The following UMAD1 variants were observed in gnomAD, a reference collection of about 807,000 sequenced individuals.
The protein encoded by UMAD1 is UBAP1-MVB12-associated (UMA) domain containing 1, also known as UBAP1-MVB12-associated (UMA)-domain containing protein 1.
UMAD1 carries 8 observed loss-of-function variants against 6.1 expected under a neutral mutation model. That is an observed-to-expected ratio of 1.30 (90% CI 0.76 to 2.35). UMAD1 has a LOEUF of 2.35. Among genes scored for constraint, UMAD1 ranks in the 30% most tolerant of loss-of-function variants. The pLI is 0.00. For synonymous variants in UMAD1, 56 were observed against 31.4 expected (o/e 1.78, Z -2.61); for missense variants, 130 against 78.4 (o/e 1.66, Z -2.49).
chr7:7,844,873 T>C (rs1362053967), intron 3 of UMAD1, among the ~76,000 whole-genome samples: 1 of 152,210 alleles, frequency 6.6e-6, no homozygotes, highest in Non-Finnish European at 1.5e-5. Flanking sequence ...AAAAGATTTT[T>C]AGTTTGCATT....
chr7:7,682,398 A>G (rs760030099), intron 2 of UMAD1, among the ~76,000 whole-genome samples: 4 of 152,206 alleles, frequency 2.6e-5, no homozygotes, highest in Non-Finnish European at 4.4e-5. Flanking sequence ...CATTCTGGGA[A>G]CCAAACCACA....
At chr7:7,818,457 A>G (rs965177744) in intron 3 of UMAD1, among the ~76,000 whole-genome samples, 1 of 152,238 alleles carries the variant, frequency 6.6e-6, no homozygotes, top group Non-Finnish European at 1.5e-5. Flanking sequence ...AATCAAAACC[A>G]CAATGAGATA....
chr7:7,763,745 G>C (rs559501825), intron 2 of UMAD1, among the ~76,000 whole-genome samples: 1 of 152,194 alleles, frequency 6.6e-6, no homozygotes, highest in East Asian at 1.9e-4. Context: ...AAAAATAGTA[G>C]AGTGATTTAT....
chr7:7,852,443 G>A (rs73057773), intron 3 of UMAD1, among the ~76,000 whole-genome samples: 7 of 152,034 alleles, frequency 4.6e-5, no homozygotes, highest in Non-Finnish European at 1.0e-4. Flanking sequence ...CCACACCTCA[G>A]ACAACAGTCA....
intron 3 of UMAD1, among the ~76,000 whole-genome samples, chr7:7,848,541 A>G (rs964505456): frequency 6.6e-6 from 1 of 152,172 alleles, no homozygotes; most frequent in Non-Finnish European, 1.5e-5. Context: ...GGTGTTCTCA[A>G]AAATGACAAT....
rs998192959 is a variant in UMAD1, at chr7:7,645,136, G to GT, written c.-64+4323dup. Among the ~76,000 whole-genome samples, 27 of 151,698 alleles carry GT rather than the reference G, an allele frequency of 1.8e-4. No homozygotes were observed. The Middle Eastern group carries it at 0.01, about 57-fold the overall frequency. On this transcript the variant is annotated intron_variant, in intron 1 of 3. Transcript: ENST00000682710. ...ATGCCATTTTAAGAATTTTCTATCA[G>GT]TTTTTTTTGGAATTTTCTATTCATA...
At chr7:7,682,569 C>G (rs1779939104) in intron 2 of UMAD1, among the ~76,000 whole-genome samples, 1 of 152,110 alleles carries the variant, frequency 6.6e-6, no homozygotes, top group Admixed American at 6.5e-5. Context: ...TTGATTCTGT[C>G]TAGGGTTGAA....
At chr7:7,713,043 A>G (rs369512287) in intron 2 of UMAD1, among the ~76,000 whole-genome samples, 1 of 152,118 alleles carries the variant, frequency 6.6e-6, no homozygotes, top group African/African-American at 2.4e-5. Flanking sequence ...TTGCTCATTC[A>G]AAAAATATTC....
chr7:7,782,650 C>G (rs1379472888), intron 2 of UMAD1, among the ~76,000 whole-genome samples: 2 of 151,200 alleles, frequency 1.3e-5, no homozygotes, highest in African/African-American at 4.9e-5. Context: ...GAAAATAATA[C>G]TTTAATCCTA....
chr7:7,643,735 GA>G (rs869238725), intron 1 of UMAD1, among the ~76,000 whole-genome samples: 1 of 5,768 alleles, frequency 1.7e-4, no homozygotes, highest in Non-Finnish European at 3.7e-4. Flanking sequence ...ACAAACAAAC[GA>G]AAAAAAAAGG....
chr7:7,873,400 A>G (rs2115343379), intron 3 of UMAD1, among the ~76,000 whole-genome samples: 1 of 152,298 alleles, frequency 6.6e-6, no homozygotes, highest in South Asian at 2.1e-4. Context: ...TTTAAAGAGA[A>G]TAGAATGGTG....
intron 1 of UMAD1, among the ~76,000 whole-genome samples, chr7:7,659,010 G>A (rs1468985700): frequency 2.6e-5 from 4 of 152,042 alleles, no homozygotes; most frequent in Admixed American, 6.5e-5. Flanking sequence ...TCAGGGATTC[G>A]ACTTCTTCCT....
At chr7:7,769,814 G>C (rs79266939) in intron 2 of UMAD1, among the ~76,000 whole-genome samples, 272 of 152,228 alleles carry the variant, frequency 1.8e-3, no homozygotes, top group African/African-American at 6.4e-3. Context: ...CACTGGCCCT[G>C]GGGAAATTGA....
At chr7:7,781,655 C>T (rs1782347270) in intron 2 of UMAD1, among the ~76,000 whole-genome samples, 1 of 151,906 alleles carries the variant, frequency 6.6e-6, no homozygotes, top group South Asian at 2.1e-4. Context: ...TTTGTGACTA[C>T]TGGGAATGAG....
chr7:7,878,019 AT>A lies in UMAD1; in HGVS notation c.*484del, dbSNP rs1307652206. On this transcript the variant is annotated 3_prime_UTR_variant, in exon 4 of 4. Transcript: ENST00000682710. ...AGAAAAAAAGTTGCCAGTTAGCTTA[AT>A]TTCTTCAGATGCATTGATGTGGAAA... 1 of 158,382 alleles carries A rather than the reference AT, an allele frequency of 6.3e-6. No homozygotes were observed. The highest frequency in any genetic ancestry group is 1.4e-5 in the Non-Finnish European group (1 of 71,874). 9.8% of individuals were successfully genotyped at this position (158,382 alleles called of 1,614,324 possible).
At chr7:7,787,146 G>A (rs1437796091) in intron 2 of UMAD1, among the ~76,000 whole-genome samples, 1 of 152,052 alleles carries the variant, frequency 6.6e-6, no homozygotes, top group Non-Finnish European at 1.5e-5. Context: ...ATATATGATG[G>A]GGATTTAATG....
At chr7:7,696,297 A>C (rs1205829858) in intron 2 of UMAD1, among the ~76,000 whole-genome samples, 1 of 151,422 alleles carries the variant, frequency 6.6e-6, no homozygotes, top group Non-Finnish European at 1.5e-5. Context: ...ATTATTAGGT[A>C]GATTAAAAAA....
intron 3 of UMAD1, among the ~76,000 whole-genome samples, chr7:7,831,567 T>G (rs1206353014): frequency 1.3e-5 from 2 of 152,156 alleles, no homozygotes; most frequent in East Asian, 3.9e-4. Flanking sequence ...TCTTTTTTGT[T>G]GATTACGTGA....
In UMAD1 at chr7:7,788,652, C is replaced by T. The variant is rs115767288; in HGVS notation, c.83-13018C>T. On this transcript the variant is annotated intron_variant, in intron 2 of 3. Coordinates refer to ENST00000682710, the MANE Select transcript of UMAD1 (RefSeq NM_001302348.2). ...ACTCTCCTTTTCCTTCTCTCAACTC[C>T]TCAGATTTTCTGTGATTTCTGCAGG... is the stretch of plus-strand genomic sequence containing the variant. 1.9e-3 allele frequency among the ~76,000 whole-genome samples: 294 copies of T among 151,200 alleles called. 2 individuals are homozygous for T. The highest frequency in any genetic ancestry group is 6.7e-3 in the African/African-American group (275 of 41,160).
Sources: gnomAD v4.1 joint callset for allele counts (sites outside exome capture counted in the v4.1 genomes callset) on GRCh38, gnomAD v4.1.1 for gene constraint, MANE v1.5 for transcripts, NCBI Gene and HGNC (gene_info 2026-07-23, HGNC 2026-07-21) for gene names.